TBCD: variants seen among roughly 807,000 people sequenced by gnomAD.
TBCD encodes tubulin-specific chaperone D.
TBCD carries 105 observed loss-of-function variants against 169.3 expected under a neutral mutation model. The ratio of observed to expected loss-of-function variants is 0.62; its 90% CI spans 0.53 to 0.73. The LOEUF (loss-of-function observed/expected upper bound fraction) is 0.73, where lower values mean the gene tolerates loss of function less well. Among genes scored for constraint, TBCD ranks in the 30% least tolerant of loss-of-function variants. The pLI, the probability that TBCD is intolerant of heterozygous loss-of-function variation, is 0.00. For synonymous variants in TBCD, 700 were observed against 643.9 expected (o/e 1.09, Z -1.32); for missense variants, 1,444 against 1,600.1 (o/e 0.90, Z 1.66).
At chr17:82,907,904 G>T (rs1446451559) in intron 21 of TBCD, 83 bp downstream of exon 21, 15 of 1,475,504 alleles carry the variant, frequency 1.0e-5, no homozygotes, top group Non-Finnish European at 1.3e-5. Context: ...CCCAGGCAGG[G>T]TCTGCAGTCC....
At chr17:82,754,572 C>T (rs373984313) in intron 1 of TBCD, among the ~76,000 whole-genome samples, 8 of 152,362 alleles carry the variant, frequency 5.3e-5, no homozygotes, top group African/African-American at 1.9e-4. Context: ...GGTGGCCTCT[C>T]ATTAACTTTA....
chr17:82,807,170 T>G (rs2051031255), intron 10 of TBCD, among the ~76,000 whole-genome samples: 1 of 152,216 alleles, frequency 6.6e-6, no homozygotes, highest in African/African-American at 2.4e-5. Flanking sequence ...CCTCTAGGCT[T>G]CTGTGTGGTT....
intron 34 of TBCD, 46 bp from the exon 35 acceptor site, chr17:82,937,225 G>GCA: frequency 6.4e-7 from 1 of 1,573,212 alleles, no homozygotes. Context: ...TGCATCCCGG[G>GCA]GCTGCCTGTG....
At chr17:82,772,653 T>TG (rs1486750596) in intron 6 of TBCD, 146 bp downstream of exon 6, 1 of 851,592 alleles carries the variant, frequency 1.2e-6, no homozygotes, top group African/African-American at 1.7e-5. Flanking sequence ...TGAGGGAGTG[T>TG]GCAGCAGTGT....
rs779755508 is a variant in TBCD, at chr17:82,937,884, T to C, written c.3282-165T>C. 11 of 1,525,796 alleles carry C rather than the reference T, an allele frequency of 7.2e-6. No homozygotes were observed. In the South Asian group the frequency reaches 1.2e-4, roughly 17 times the overall value. 94.5% of individuals were successfully genotyped at this position (1,525,796 alleles called of 1,614,324 possible). A position where few individuals can be genotyped will look rare whatever the true frequency, so the allele number is the denominator to read the frequency against. ...GCGACACTCGTGTGTGTAGGCACAG[T>C]GCAGATGTACGCACACACACACCTC... On this transcript the variant is annotated intron_variant, in intron 35 of 38. Transcript: ENST00000355528.
chr17:82,939,230 G>C, intron 36 of TBCD, 137 bp from the exon 37 acceptor site: 1 of 717,268 alleles, frequency 1.4e-6, no homozygotes. Context: ...CCCTGCTGTG[G>C]CTGGGATGGG....
rs2057032553 is a variant in TBCD, at chr17:82,864,789, C to T, written c.1319-5435C>T. On this transcript the variant is annotated intron_variant, in intron 13 of 38. Transcript: ENST00000355528. This position sits in a 1 kb window ranked among gnomAD's most constrained non-coding sequence, Gnocchi z 6.3. ...CATATCCGGGCGCCCACCCTAGCAG[C>T]ACAGGAAGGGCTGGGATCACCACTC... Among the ~76,000 whole-genome samples the T allele has an allele frequency of 6.8e-6, 1 of 147,442 alleles. No homozygotes were observed. Among genetic ancestry groups the T allele is most frequent in the Non-Finnish European group, 1.5e-5 (1 of 66,284 alleles).
In TBCD at chr17:82,870,440, G is replaced by A. The variant is rs546002130; in HGVS notation, c.1475+60G>A. ...GTGCCCCCTGACGGCGCCGTGTGTC[G>A]TTTCCTCCATGAGAGGTGTGCACAG... On this transcript the variant is annotated intron_variant, in intron 14 of 38. Coordinates refer to ENST00000355528, the MANE Select transcript of TBCD (RefSeq NM_005993.5). 2.7e-5 allele frequency: 42 copies of A among 1,570,294 alleles called. 1 individual carries two copies. The South Asian group carries it at 3.4e-4, about 13-fold the overall frequency.
Position 82,923,359 on chromosome 17 carries a change from T to C in TBCD, c.2179-293T>C, listed in dbSNP as rs1369103613. ...GGAGTAGCATGACTTAGGGGTTCTT[T>C]TGGTTTGGTTCGAAAGTCATTGCTG... On this transcript the variant is annotated intron_variant, in intron 25 of 38. Coordinates refer to ENST00000355528, the MANE Select transcript of TBCD (RefSeq NM_005993.5). This position sits in a 1 kb window ranked among gnomAD's most constrained non-coding sequence, Gnocchi z 4.6. Among the ~76,000 whole-genome samples, 1 of 152,094 alleles carries C rather than the reference T, an allele frequency of 6.6e-6. No homozygotes were observed. Among genetic ancestry groups the C allele is most frequent in the African/African-American group, 2.4e-5 (1 of 41,422 alleles).
At chr17:82,842,934 C>T (rs1490854726) in intron 13 of TBCD, among the ~76,000 whole-genome samples, 1 of 151,984 alleles carries the variant, frequency 6.6e-6, no homozygotes, top group African/African-American at 2.4e-5. Context: ...GCGCCCTCCA[C>T]CACGTCCGGC....
rs1005019517 is a variant in TBCD, at chr17:82,926,268, G to A, written c.2380-132G>A. 9 of 816,414 alleles carry A rather than the reference G, an allele frequency of 1.1e-5. No individual in the cohort carries two copies. In the Admixed American group the frequency reaches 1.3e-4, roughly 12 times the overall value. The allele number at this position is 816,414 out of a possible 1,614,324, so 50.6% of individuals were successfully genotyped here. A position where few individuals can be genotyped will look rare whatever the true frequency, so the allele number is the denominator to read the frequency against. ...TGTACCAGGGGCCATGGATGGCCGT[G>A]AGGAAGGTGGTGCCAGGAGCTGCCT... On this transcript the variant is annotated intron_variant, in intron 27 of 38. Transcript: ENST00000355528.
In TBCD at chr17:82,756,175, C is replaced by T. The variant is rs753916286; in HGVS notation, c.195C>T (p.Asp65=). 86 of 1,609,206 alleles carry T rather than the reference C, an allele frequency of 5.3e-5. No homozygotes were observed. Among genetic ancestry groups the T allele is most frequent in the Non-Finnish European group, 3.2e-5 (38 of 1,177,470 alleles). The change falls in exon 2 of 39, where the codon GAC becomes GAT. Residue 65 remains aspartate, a synonymous_variant. Transcript: ENST00000355528. ...TATATTTGTTTTTAGTAATAATGGA[C>T]AAATACCAGGAGCAGCCTCATCTGT... ...VALERFRVIM[D]KYQEQPHLLD...
At chr17:82,869,372 A>G (rs1284084268) in intron 13 of TBCD, among the ~76,000 whole-genome samples, 5 of 152,092 alleles carry the variant, frequency 3.3e-5, no homozygotes, top group African/African-American at 1.2e-4. Flanking sequence ...TTTAAAAAGT[A>G]GCTGGGTGTG....
In TBCD at chr17:82,923,106, G is replaced by A. The variant is rs1262379858; in HGVS notation, c.2179-546G>A. 2.6e-5 allele frequency among the ~76,000 whole-genome samples: 4 copies of A among 152,220 alleles called. No homozygotes were observed. In the South Asian group the frequency reaches 6.2e-4, roughly 24 times the overall value. ...CCCTGTCTCTCTAAATGAGGCTGAC[G>A]TGGCTTGGCCTGAAGGCCCTGCCCC... On this transcript the variant is annotated intron_variant, in intron 25 of 38. Transcript: ENST00000355528. The surrounding 1 kb of genome is among the most constrained non-coding windows in gnomAD (Gnocchi z 4.6).
At chr17:82,765,969 C>T (rs2047998427) in intron 3 of TBCD, among the ~76,000 whole-genome samples, 8 of 152,142 alleles carry the variant, frequency 5.3e-5, no homozygotes, top group Admixed American at 4.6e-4. Context: ...TGCCACCATC[C>T]TGTCTAATTT....
chr17:82,909,019 G>C (rs2060435583), intron 21 of TBCD, among the ~76,000 whole-genome samples: 1 of 152,232 alleles, frequency 6.6e-6, no homozygotes, highest in Non-Finnish European at 1.5e-5. Flanking sequence ...CAGAATGCAG[G>C]TGGCTCCAGC....
intron 17 of TBCD, among the ~76,000 whole-genome samples, chr17:82,899,325 G>GTCCTCAGCTCGTA (rs1567988848): frequency 6.7e-6 from 1 of 150,158 alleles, no homozygotes; most frequent in East Asian, 2.0e-4. Context: ...CTCAGCGCGC[G>GTCCTCAGCTCGTA]CGTCCTCAGC....
intron 2 of TBCD, among the ~76,000 whole-genome samples, chr17:82,756,753 C>G (rs1188022672): frequency 1.3e-5 from 2 of 152,228 alleles, no homozygotes; most frequent in African/African-American, 4.8e-5. Flanking sequence ...GCTGGGATTA[C>G]AGGCGTGAGC....
At chr17:82,900,851 C>A (rs1301027647) in intron 18 of TBCD, 120 bp downstream of exon 18, 2 of 750,654 alleles carry the variant, frequency 2.7e-6, no homozygotes, top group South Asian at 3.4e-5. Flanking sequence ...AAAATAACTT[C>A]TGAGAAGTAA....
Sources: gnomAD v4.1 joint callset for allele counts (sites outside exome capture counted in the v4.1 genomes callset) on GRCh38, gnomAD v4.1.1 for gene constraint, Gnocchi (gnomAD v3.1) non-coding constraint, MANE v1.5 for transcripts, NCBI Gene and HGNC (gene_info 2026-07-23, HGNC 2026-07-21) for gene names.